LAMA5: variants seen among roughly 807,000 people sequenced by gnomAD.
LAMA5 encodes the protein laminin subunit alpha 5.
In LAMA5, 260 loss-of-function variants were observed where a neutral mutation model predicts 433.4. The observed-to-expected ratio is 0.60, with a 90% CI of 0.54 to 0.66. The LOEUF (loss-of-function observed/expected upper bound fraction) is 0.66, where lower values mean the gene tolerates loss of function less well. Ranked by LOEUF, LAMA5 falls within the 30% of genes least tolerant of loss-of-function variation. The pLI is 0.00. For missense variants in LAMA5, 5,378 were observed against 5,258.5 expected (o/e 1.02, Z -0.70); for synonymous variants, 2,620 against 2,226.6 (o/e 1.18, Z -4.97).
Position 62,314,987 on chromosome 20 carries a change from G to A in LAMA5, c.8048-40C>T, listed in dbSNP as rs759523477. Reference sequence around the variant, plus strand: ...ACCTGAGACCTTTGCCCCCCACCGTGCCCGCCTCCATCAGGGGCACCGCGA... The same window carrying A: ...ACCTGAGACCTTTGCCCCCCACCGTACCCGCCTCCATCAGGGGCACCGCGA... On this transcript the variant is annotated intron_variant, in intron 59 of 79. Transcript: ENST00000252999. The A allele has an allele frequency of 1.1e-5, 18 of 1,576,956 alleles. No individual in the cohort carries two copies. The Middle Eastern group carries it at 5.0e-4, about 44-fold the overall frequency.
chr20:62,316,895 T>TC lies in LAMA5; in HGVS notation c.7639dup (p.Asp2547GlyfsTer92). The stretch of plus-strand genomic sequence containing the variant: ...GAGGGGCCTCACCGCCCACGTGTGG[T>TC]CCGCCTGCTGCAGGGCCTGGCCAGC... On this transcript the variant is annotated frameshift_variant, in exon 56 of 80. Coordinates refer to ENST00000252999, the MANE Select transcript of LAMA5 (RefSeq NM_005560.6). LOFTEE classifies it high-confidence loss of function. 1 of 1,533,722 alleles carries TC rather than the reference T, an allele frequency of 6.5e-7. No individual in the cohort carries two copies. Among genetic ancestry groups the TC allele is most frequent in the Non-Finnish European group, 8.8e-7 (1 of 1,138,996 alleles).
chr20:62,329,726 G>A (rs1439513542), intron 32 of LAMA5, 51 bp downstream of exon 32: 2 of 1,601,678 alleles, frequency 1.2e-6, no homozygotes, highest in African/African-American at 1.3e-5. Context: ...CAGTGGTAAT[G>A]ACAAGTATAA....
intron 11 of LAMA5, among the ~76,000 whole-genome samples, chr20:62,339,811 G>A (rs1027031970): frequency 6.6e-6 from 1 of 152,196 alleles, no homozygotes; most frequent in South Asian, 2.1e-4. Flanking sequence ...AGCAGAAAAG[G>A]AGAAATGATA....
rs747093531 is a variant in LAMA5, at chr20:62,352,326, T to C, written c.603A>G (p.Pro201=). 6.3e-7 allele frequency: 1 copy of C among 1,599,634 alleles called. No individual in the cohort carries two copies. The highest frequency in any genetic ancestry group is 1.3e-5 in the African/African-American group (1 of 74,932). The part of the protein sequence containing the change: ...SKRDCLERFG[P]QTLERITRDD... ...CCCGTGTGATGCGCTCCAGCGTCTG[T>C]GGCCCGAACCGCTCCAGACAGTCCC... Residue 201 remains proline (P), a synonymous_variant, in exon 4 of 80, where the codon CCA becomes CCG. Coordinates refer to ENST00000252999, the MANE Select transcript of LAMA5 (RefSeq NM_005560.6).
chr20:62,334,989 C>T, intron 20 of LAMA5, 32 bp downstream of exon 20: 1 of 1,592,532 alleles, frequency 6.3e-7, no homozygotes, highest in Non-Finnish European at 8.6e-7. Flanking sequence ...GGAGGCAGGG[C>T]TGTGGTCTGG....
At position 62,338,468 on chromosome 20, in the gene LAMA5, G is replaced by A. The variant is rs779818815; in HGVS notation, c.1618C>T (p.Pro540Ser). The change falls in exon 12 of 80, where the codon CCC (proline) becomes TCC (serine). Residue 540 changes from proline to serine, a missense_variant and splice_region_variant. Physicochemically the swap from Pro to Ser is moderately conservative, Grantham distance 74 (BLOSUM62 -1). Transcript: ENST00000252999. ...APGFYGPGCQ[P>S]CQCSSPGVAD... ...GGTTGAGCGGGGAGAGGGGACTCAC[G>A]CTGGCAGCCGGGGCCGTAGAACCCT... The A allele has an allele frequency of 1.3e-5, 21 of 1,607,944 alleles. No individual in the cohort carries two copies. The highest frequency in any genetic ancestry group is 1.6e-5 in the Non-Finnish European group (19 of 1,178,278).
intron 11 of LAMA5, among the ~76,000 whole-genome samples, chr20:62,344,234 G>T (rs903428194): frequency 6.7e-6 from 1 of 150,208 alleles, no homozygotes; most frequent in African/African-American, 2.5e-5. Flanking sequence ...TGTATGTCCC[G>T]TCATGAAAGG....
At position 62,314,737 on chromosome 20, in the gene LAMA5, G is replaced by C; in HGVS notation, c.8197-12C>G. The C allele has an allele frequency of 6.2e-7, 1 of 1,612,354 alleles. No individual in the cohort carries two copies. The highest frequency in any genetic ancestry group is 8.5e-7 in the Non-Finnish European group (1 of 1,179,684). Reference sequence around the variant, plus strand: ...ATGGGCACCTTGACCTGCGGGGCACGGTCCATCAGCGTCCACCACCACCCT... The same window carrying C: ...ATGGGCACCTTGACCTGCGGGGCACCGTCCATCAGCGTCCACCACCACCCT... On this transcript the variant is annotated splice_polypyrimidine_tract_variant and intron_variant, in intron 60 of 79. Coordinates refer to ENST00000252999, the MANE Select transcript of LAMA5 (RefSeq NM_005560.6).
At chr20:62,362,037 T>C (rs1018955304) in intron 2 of LAMA5, among the ~76,000 whole-genome samples, 1 of 152,144 alleles carries the variant, frequency 6.6e-6, no homozygotes, top group Non-Finnish European at 1.5e-5. Context: ...CTGCCAGGAA[T>C]TCCTTAAACA....
At chr20:62,328,042 ACC>A in intron 35 of LAMA5, 32 bp from the exon 36 acceptor site, 1 of 1,608,830 alleles carries the variant, frequency 6.2e-7, no homozygotes, top group Non-Finnish European at 8.5e-7. Context: ...AGCCCCCTCC[ACC>A]CCAGGTCACT....
chr20:62,317,664 C>T lies in LAMA5; in HGVS notation c.7354G>A (p.Glu2452Lys), dbSNP rs1270447891. ...CAGGGGCCAGGGGCTGCACTCACCT[C>T]CTTAGCCTGGTCCAGGCTGTGCAGC... ...RLLHSLDQAK[E>K]ELERLAASLD... Residue 2452 changes from glutamate (E) to lysine (K), a missense_variant and splice_region_variant, in exon 54 of 80, where the codon GAG becomes AAG. Coordinates refer to ENST00000252999, the MANE Select transcript of LAMA5 (RefSeq NM_005560.6). 2 of 1,580,658 alleles carry T rather than the reference C, an allele frequency of 1.3e-6. No homozygotes were observed. Among genetic ancestry groups the T allele is most frequent in the Non-Finnish European group, 1.7e-6 (2 of 1,164,186 alleles).
At chr20:62,356,053 G>C (rs1985177118) in intron 2 of LAMA5, 1 of 152,394 alleles carries the variant, frequency 6.6e-6, no homozygotes, top group African/African-American at 2.4e-5. Context: ...CCAGCTGAGA[G>C]CACTTGCACA....
chr20:62,366,911 C>A, intron 1 of LAMA5, 38 bp downstream of exon 1: 1 of 1,241,072 alleles, frequency 8.1e-7, no homozygotes, highest in Non-Finnish European at 1.0e-6. Flanking sequence ...GGTCCGAGTG[C>A]CCCGGGAGGA....
chr20:62,332,792 C>A, intron 26 of LAMA5, 75 bp from the exon 27 acceptor site: 1 of 1,537,298 alleles, frequency 6.5e-7, no homozygotes, highest in Non-Finnish European at 8.8e-7. Context: ...CACTCCAGCG[C>A]CTCCCTGACC....
chr20:62,320,413 G>C (rs1339775218), intron 50 of LAMA5, 146 bp downstream of exon 50: 1 of 611,210 alleles, frequency 1.6e-6, no homozygotes, highest in East Asian at 2.8e-5. Context: ...CAGTGACTTG[G>C]TCAACCCCTA....
chr20:62,323,704 C>G lies in LAMA5; in HGVS notation c.5850-34G>C, dbSNP rs1215765280. 4 of 1,593,112 alleles carry G rather than the reference C, an allele frequency of 2.5e-6. No homozygotes were observed. The Admixed American group carries it at 5.1e-5, about 20-fold the overall frequency. On this transcript the variant is annotated intron_variant, in intron 44 of 79. Coordinates refer to ENST00000252999, the MANE Select transcript of LAMA5 (RefSeq NM_005560.6). Reference sequence around the variant, plus strand: ...AGGGTGGGGAGGGGCCGTCAGTGGCCCGTGGCGCCCACCCTCGCATATCCT... The same window carrying G: ...AGGGTGGGGAGGGGCCGTCAGTGGCGCGTGGCGCCCACCCTCGCATATCCT...
intron 37 of LAMA5, 31 bp from the exon 38 acceptor site, chr20:62,327,437 G>A: frequency 6.3e-7 from 1 of 1,593,358 alleles, no homozygotes; most frequent in Non-Finnish European, 8.6e-7. Flanking sequence ...CTGCACACGG[G>A]TGGATGCCCA....
In LAMA5 at chr20:62,333,594, G is replaced by A. The variant is rs528125609; in HGVS notation, c.2991C>T (p.Ala997=). The A allele has an allele frequency of 1.9e-6, 3 of 1,571,628 alleles. No homozygotes were observed. In the East Asian group the frequency reaches 7.0e-5, roughly 37 times the overall value. ...GCACCCCTTCGGCCTCCACACGCAG[G>A]GCCCAGGTGCCAGGGTTCAGCACAA... ...EPFVLNPGTW[A]LRVEAEGVLL... The change falls in exon 24 of 80, where the codon GCC becomes GCT. Residue 997 remains alanine (A), a synonymous_variant. Coordinates refer to ENST00000252999, the MANE Select transcript of LAMA5 (RefSeq NM_005560.6).
chr20:62,334,779 G>C (rs1274792296), intron 20 of LAMA5, among the ~76,000 whole-genome samples, 158 bp from the exon 21 acceptor site: 1 of 149,060 alleles, frequency 6.7e-6, no homozygotes, highest in Non-Finnish European at 1.5e-5. Context: ...GCGAGGGTGA[G>C]GGCGCTGGGA....
Sources: gnomAD v4.1 joint callset for allele counts (sites outside exome capture counted in the v4.1 genomes callset) on GRCh38, gnomAD v4.1.1 for gene constraint, MANE v1.5 for transcripts, NCBI Gene and HGNC (gene_info 2026-07-23, HGNC 2026-07-21) for gene names.